The following KIF18A variants were observed in gnomAD, a reference collection of about 807,000 sequenced individuals.
The protein encoded by KIF18A is kinesin family member 18A, also known as kinesin-like protein KIF18A.
Under a neutral mutation model 103.3 loss-of-function variants are expected in KIF18A, and 67 were observed. That is an observed-to-expected ratio of 0.65 (90% CI 0.53 to 0.79). The LOEUF is 0.79. Ranked by LOEUF, KIF18A falls within the 30% of genes least tolerant of loss-of-function variation. KIF18A has a pLI of 0.00. For synonymous variants in KIF18A, 367 were observed against 355.5 expected (o/e 1.03, Z -0.36); for missense variants, 1,032 against 1,062.5 (o/e 0.97, Z 0.40).
intron 12 of KIF18A, 52 bp downstream of exon 12, chr11:28,062,343 G>A (rs11030202): frequency 6.7e-7 from 1 of 1,486,018 alleles, no homozygotes; most frequent in Non-Finnish European, 9.0e-7. Flanking sequence ...TTGAACTTCT[G>A]TGCTTCAGAT....
chr11:28,048,945 G>C (rs1239936779), intron 13 of KIF18A, among the ~76,000 whole-genome samples: 1 of 152,040 alleles, frequency 6.6e-6, no homozygotes, highest in South Asian at 2.1e-4. Context: ...TGGGATACAA[G>C]GTGCTGGACA....
chr11:28,064,046 T>C (rs1850887089), intron 11 of KIF18A, among the ~76,000 whole-genome samples: 1 of 151,546 alleles, frequency 6.6e-6, no homozygotes, highest in African/African-American at 2.4e-5. Context: ...ATCCTATTTA[T>C]ATATTAAAGT....
chr11:28,091,440 C>A lies in KIF18A; in HGVS notation c.557G>T (p.Gly186Val). The A allele has an allele frequency of 6.2e-7, 1 of 1,609,668 alleles. No individual in the cohort carries two copies. The highest frequency in any genetic ancestry group is 1.3e-5 in the African/African-American group (1 of 74,832). Reference protein sequence around the residue: ...PLAVREDTQKGVVVHGLTLHQ... With the variant: ...PLAVREDTQKVVVVHGLTLHQ... ...TAAAGTAAGTCCATGAACGACCACC[C>A]CTTTTTGGGTATCTTCCCGGACAGC... The change falls in exon 4 of 17, where the codon GGG becomes GTG. Residue 186 changes from glycine (G) to valine (V), a missense_variant. Transcript: ENST00000263181.
At chr11:28,064,129 C>T (rs1207116900) in intron 11 of KIF18A, among the ~76,000 whole-genome samples, 1 of 150,662 alleles carries the variant, frequency 6.6e-6, no homozygotes, top group Non-Finnish European at 1.5e-5. Context: ...CATTATACTT[C>T]AAGAAATATA....
At chr11:28,068,639 A>T (rs998044199) in intron 11 of KIF18A, among the ~76,000 whole-genome samples, 1 of 152,088 alleles carries the variant, frequency 6.6e-6, no homozygotes, top group African/African-American at 2.4e-5. Flanking sequence ...CTTCTGGCTT[A>T]GGTGTGTAAA....
At chr11:28,053,286 T>G (rs7482650) in intron 13 of KIF18A, among the ~76,000 whole-genome samples, 70,483 of 151,894 alleles carry the variant, frequency 0.46, 17,875 homozygotes, top group Admixed American at 0.56. Context: ...TACTTTTTTT[T>G]GTTTTGTTTT....
At chr11:28,033,981 G>A (rs572023406) in intron 15 of KIF18A, among the ~76,000 whole-genome samples, 6 of 151,326 alleles carry the variant, frequency 4.0e-5, no homozygotes, top group African/African-American at 1.2e-4. Context: ...CACCTACTAC[G>A]TACCCACAAA....
chr11:28,104,916 T>C (rs548352471), intron 1 of KIF18A, among the ~76,000 whole-genome samples: 2 of 152,294 alleles, frequency 1.3e-5, no homozygotes, highest in African/African-American at 2.4e-5. Flanking sequence ...ACTTTCCCTA[T>C]AGAAGGGAAA....
chr11:28,024,467 A>G (rs1850287677), intron 15 of KIF18A, among the ~76,000 whole-genome samples: 1 of 152,128 alleles, frequency 6.6e-6, no homozygotes, highest in Admixed American at 6.5e-5. Context: ...AACACCTATT[A>G]TGGCCTTGTG....
chr11:28,097,192 T>C, intron 2 of KIF18A: 1 of 167,026 alleles, frequency 6.0e-6, no homozygotes, highest in Non-Finnish European at 1.3e-5. Flanking sequence ...TAAACATTTT[T>C]ATTTCAATGT....
chr11:28,077,650 G>C (rs1303421580), intron 9 of KIF18A, among the ~76,000 whole-genome samples: 4 of 152,122 alleles, frequency 2.6e-5, no homozygotes, highest in Non-Finnish European at 5.9e-5. Context: ...ATCATATGGT[G>C]CCTCCATGGC....
intron 9 of KIF18A, 23 bp from the exon 10 acceptor site, chr11:28,077,192 C>A: frequency 6.6e-7 from 1 of 1,506,816 alleles, no homozygotes; most frequent in Non-Finnish European, 8.9e-7. Context: ...AAACACATTA[C>A]AGAATCTCAC....
chr11:28,059,197 T>G, intron 12 of KIF18A, 36 bp from the exon 13 acceptor site: 31 of 1,357,558 alleles, frequency 2.3e-5, no homozygotes, highest in Non-Finnish European at 3.1e-5. Context: ...GAGAGATAAA[T>G]ATGACATTTT....
intron 1 of KIF18A, among the ~76,000 whole-genome samples, chr11:28,106,955 A>G (rs1851527605): frequency 6.6e-6 from 1 of 152,226 alleles, no homozygotes; most frequent in African/African-American, 2.4e-5. Context: ...TGGACCACAG[A>G]GCGAGACTCT....
chr11:28,107,866 T>A (rs997313702), intron 1 of KIF18A, among the ~76,000 whole-genome samples, 198 bp downstream of exon 1: 2 of 152,092 alleles, frequency 1.3e-5, no homozygotes, highest in African/African-American at 4.8e-5. Flanking sequence ...AGGATTACGG[T>A]CAAGCAGAGC....
chr11:28,094,595 T>C, intron 3 of KIF18A, 48 bp downstream of exon 3: 1 of 1,304,806 alleles, frequency 7.7e-7, no homozygotes, highest in East Asian at 2.3e-5. Context: ...GTATGAATCA[T>C]GTCAATGATT....
intron 15 of KIF18A, among the ~76,000 whole-genome samples, chr11:28,028,173 C>T (rs576451181): frequency 9.9e-5 from 15 of 151,932 alleles, no homozygotes; most frequent in African/African-American, 1.2e-4. Context: ...TCTCACCAAG[C>T]GGACTTAATA....
intron 11 of KIF18A, among the ~76,000 whole-genome samples, chr11:28,064,402 A>G (rs181781148): frequency 6.6e-6 from 1 of 152,040 alleles, no homozygotes; most frequent in African/African-American, 2.4e-5. Context: ...TAGTTAGAAA[A>G]TTGGATGATC....
At chr11:28,039,085 G>A (rs1249105143) in intron 13 of KIF18A, among the ~76,000 whole-genome samples, 1 of 151,486 alleles carries the variant, frequency 6.6e-6, no homozygotes, top group Non-Finnish European at 1.5e-5. Context: ...AGTGACCTTG[G>A]GCAACTCACT....
Sources: gnomAD v4.1 joint callset for allele counts (sites outside exome capture counted in the v4.1 genomes callset) on GRCh38, gnomAD v4.1.1 for gene constraint, MANE v1.5 for transcripts, NCBI Gene and HGNC (gene_info 2026-07-23, HGNC 2026-07-21) for gene names.